The following TBC1D9B variants were observed in gnomAD, a reference collection of about 807,000 sequenced individuals.
TBC1D9B encodes TBC1 domain family, member 9B (with GRAM domain).
A neutral mutation model predicts 121.1 loss-of-function variants in TBC1D9B; 87 were observed. The observed-to-expected ratio is 0.72, with a 90% CI of 0.60 to 0.86. The LOEUF is 0.86. Ranked by LOEUF, TBC1D9B falls within the 40% of genes least tolerant of loss-of-function variation. The probability of loss-of-function intolerance (pLI) is 0.00; values close to 1 mark genes in which losing one functional copy is unlikely to be tolerated. For synonymous variants in TBC1D9B, 668 were observed against 670.1 expected (o/e 1.00, Z 0.05); for missense variants, 1,540 against 1,628.6 (o/e 0.95, Z 0.94).
At chr5:179,899,858 C>T (rs1216529990) in intron 2 of TBC1D9B, among the ~76,000 whole-genome samples, 4 of 152,124 alleles carry the variant, frequency 2.6e-5, no homozygotes, top group African/African-American at 9.7e-5. Context: ...TTCTCCTGGC[C>T]ACCTTCTTAC....
intron 18 of TBC1D9B, chr5:179,867,030 G>A: frequency 5.2e-6 from 1 of 191,336 alleles, no homozygotes; most frequent in Non-Finnish European, 1.1e-5. Context: ...CACTCAACAT[G>A]CGTGTTTTTC....
rs751435639 is a variant in TBC1D9B, at chr5:179,863,505, T to C, written c.3645A>G (p.Lys1215=). 3.1e-6 allele frequency: 5 copies of C among 1,614,058 alleles called. No individual in the cohort carries two copies. In the African/African-American group the frequency reaches 6.7e-5, roughly 22 times the overall value. The change falls in exon 21 of 21, where the codon AAA becomes AAG. Residue 1215 remains lysine (K), a synonymous_variant. Transcript: ENST00000355235. This position sits in a 1 kb window ranked among gnomAD's most constrained non-coding sequence, Gnocchi z 4.5. The stretch of plus-strand genomic sequence containing the variant: ...TGGCGGTGCTGAACTGTCTCTCCAC[T>C]TTCTTTTGGTCCTTGATCTTGAGTC... ...DIGLKIKDQK[K]VERQFSTASD... is the part of the protein sequence containing the mutation.
intron 20 of TBC1D9B, 36 bp from the exon 21 acceptor site, chr5:179,864,164 TAAAAG>T: frequency 6.4e-7 from 1 of 1,554,370 alleles, no homozygotes. Context: ...AGGGAGATGG[TAAAAG>T]ACCAGTCAGA....
rs993618403 is a variant in TBC1D9B at position 179,865,019 on chromosome 5, G to A, written c.3021+235C>T. Among the ~76,000 whole-genome samples, 29 of 152,182 alleles carry A rather than the reference G, an allele frequency of 1.9e-4. No homozygotes were observed. Among genetic ancestry groups the A allele is most frequent in the African/African-American group, 6.3e-4 (26 of 41,460 alleles). On this transcript the variant is annotated intron_variant, in intron 20 of 20. Transcript: ENST00000355235. The surrounding 1 kb of genome is among the most constrained non-coding windows in gnomAD (Gnocchi z 5.1). ...GTAGCCTACAAGCCTCTGGCTCCTGGTTCACAGACACTCACTCAATCTGGA... is the reference window on the plus strand; with the variant it reads ...GTAGCCTACAAGCCTCTGGCTCCTGATTCACAGACACTCACTCAATCTGGA...
intron 15 of TBC1D9B, chr5:179,870,738 T>A: frequency 1.8e-6 from 1 of 548,098 alleles, no homozygotes; most frequent in Non-Finnish European, 3.1e-6. Context: ...GGGGCAGAGC[T>A]GGTCTGCTGG....
At chr5:179,897,113 T>TA (rs1761043132) in intron 3 of TBC1D9B, among the ~76,000 whole-genome samples, 2 of 151,640 alleles carry the variant, frequency 1.3e-5, no homozygotes, top group Admixed American at 6.6e-5. Flanking sequence ...TTCACTGTGT[T>TA]AGCCAGGATG....
rs148031836 is a variant in TBC1D9B at position 179,904,075 on chromosome 5, T to C, written c.229+627A>G. ...AGGCCAATTTGCAAATATGGAATCT[T>C]TGAATGAGGCCGACTACGTCTACCT... On this transcript the variant is annotated intron_variant, in intron 2 of 20. Transcript: ENST00000355235. This position sits in a 1 kb window ranked among gnomAD's most constrained non-coding sequence, Gnocchi z 4.2. Among the ~76,000 whole-genome samples, 1 of 152,254 alleles carries C rather than the reference T, an allele frequency of 6.6e-6. No individual in the cohort carries two copies. The highest frequency in any genetic ancestry group is 2.4e-5 in the African/African-American group (1 of 41,542).
Position 179,878,163 on chromosome 5 carries a change from ACT to A in TBC1D9B, c.1782+144_1782+145del. The A allele has an allele frequency of 4.8e-6, 4 of 839,842 alleles. No individual in the cohort carries two copies. The South Asian group carries it at 7.2e-5, about 15-fold the overall frequency. The allele number at this position is 839,842 out of a possible 1,614,324, so 52.0% of individuals were successfully genotyped here. On this transcript the variant is annotated intron_variant, in intron 10 of 20. Coordinates refer to ENST00000355235, the MANE Select transcript of TBC1D9B (RefSeq NM_015043.4). ...CATGGGGATGCGATGAGCAATTAAT[ACT>A]GTTTTTAAATTACATCTTTTTCTGC...
Position 179,865,553 on chromosome 5 carries a change from T to A in TBC1D9B, c.2915-193A>T. 1.6e-6 allele frequency: 1 copy of A among 632,796 alleles called. No individual in the cohort carries two copies. The highest frequency in any genetic ancestry group is 2.8e-6 in the Non-Finnish European group (1 of 360,594). The allele number at this position is 632,796 out of a possible 1,614,324, so 39.2% of individuals were successfully genotyped here. A position where few individuals can be genotyped will look rare whatever the true frequency, so the allele number is the denominator to read the frequency against. On this transcript the variant is annotated intron_variant, in intron 19 of 20. Transcript: ENST00000355235. The surrounding 1 kb of genome is among the most constrained non-coding windows in gnomAD (Gnocchi z 5.1). ...ACAGGTTTTCCCTAAATTGCTGCAG[T>A]GGTTGGACCTAAGCTGATGACAATG...
rs1759995622 is a variant in TBC1D9B, at chr5:179,865,992, C to T, written c.2864-104G>A. On this transcript the variant is annotated intron_variant, in intron 18 of 20. Coordinates refer to ENST00000355235, the MANE Select transcript of TBC1D9B (RefSeq NM_015043.4). The surrounding 1 kb of genome is among the most constrained non-coding windows in gnomAD (Gnocchi z 5.1). ...TAGTCTGTGTTTCTGTACAGCCAGCCCCAGGCCAGGCCCTGGGGAGCAGGT... is the reference window on the plus strand; with the variant it reads ...TAGTCTGTGTTTCTGTACAGCCAGCTCCAGGCCAGGCCCTGGGGAGCAGGT... 1 of 1,437,580 alleles carries T rather than the reference C, an allele frequency of 7.0e-7. No homozygotes were observed. The highest frequency in any genetic ancestry group is 9.7e-7 in the Non-Finnish European group (1 of 1,028,292). 89.1% of individuals were successfully genotyped at this position (1,437,580 alleles called of 1,614,324 possible).
Position 179,867,952 on chromosome 5 carries a change from C to T in TBC1D9B, c.2792-103G>A, listed in dbSNP as rs529046449. The T allele has an allele frequency of 1.2e-5, 14 of 1,139,202 alleles. No individual in the cohort carries two copies. In the African/African-American group the frequency reaches 1.6e-4, roughly 13 times the overall value. The allele number at this position is 1,139,202 out of a possible 1,614,324, so 70.6% of individuals were successfully genotyped here. On this transcript the variant is annotated intron_variant, in intron 17 of 20. Transcript: ENST00000355235. Reference sequence around the variant, plus strand: ...GGCAGAGCCTTGCTTTCCCTGCCCACGAGCCTGGCCAGTCCCAGCACCTGC... The same window carrying T: ...GGCAGAGCCTTGCTTTCCCTGCCCATGAGCCTGGCCAGTCCCAGCACCTGC...
intron 12 of TBC1D9B, among the ~76,000 whole-genome samples, chr5:179,873,980 G>T (rs995696188): frequency 1.1e-4 from 17 of 152,210 alleles, no homozygotes; most frequent in African/African-American, 4.1e-4. Flanking sequence ...AAGCTACTTA[G>T]GCCCACAGTA....
chr5:179,896,331 G>T (rs1291993457), intron 3 of TBC1D9B, among the ~76,000 whole-genome samples: 4 of 152,192 alleles, frequency 2.6e-5, no homozygotes, highest in Non-Finnish European at 5.9e-5. Context: ...AGAAGGAAAA[G>T]GGTTTTTCTT....
chr5:179,869,817 C>G lies in TBC1D9B; in HGVS notation c.2743G>C (p.Asp915His). 1 of 1,562,732 alleles carries G rather than the reference C, an allele frequency of 6.4e-7. No individual in the cohort carries two copies. Among genetic ancestry groups the G allele is most frequent in the Non-Finnish European group, 8.7e-7 (1 of 1,152,364 alleles). Residue 915 changes from aspartate (D) to histidine (H), a missense_variant, in exon 17 of 21, where the codon GAC becomes CAC. Coordinates refer to ENST00000355235, the MANE Select transcript of TBC1D9B (RefSeq NM_015043.4). ...AGCACCTTGAGCTTCTCTGTCAGGT[C>G]CCCGTGGTACATCCCGCCTGTGGAG... Reference protein sequence around the residue: ...VTGMSGMYHGDLTEKLKVLYK... With the variant: ...VTGMSGMYHGHLTEKLKVLYK...
chr5:179,907,805 T>C lies in TBC1D9B; in HGVS notation c.17A>G (p.Glu6Gly). 1.7e-6 allele frequency: 2 copies of C among 1,205,038 alleles called. No individual in the cohort carries two copies. The highest frequency in any genetic ancestry group is 2.1e-6 in the Non-Finnish European group (2 of 944,090). The allele number at this position is 1,205,038 out of a possible 1,614,324, so 74.6% of individuals were successfully genotyped here. A position where few individuals can be genotyped will look rare whatever the true frequency, so the allele number is the denominator to read the frequency against. The change falls in exon 1 of 21, where the codon GAG becomes GGG. Residue 6 changes from glutamate (E) to glycine (G), a missense_variant. By Grantham distance (98) the Glu-to-Gly change is moderately conservative (BLOSUM62 -2). Coordinates refer to ENST00000355235, the MANE Select transcript of TBC1D9B (RefSeq NM_015043.4). This position sits in a 1 kb window ranked among gnomAD's most constrained non-coding sequence, Gnocchi z 5.3. MWLSP[E>G]EVLVANALWV... ...CAGCGCATTGGCCACCAGCACCTCC[T>C]CCGGGCTCAGCCACATCGCGGAGCC...
chr5:179,899,080 C>T, intron 3 of TBC1D9B, 109 bp downstream of exon 3: 1 of 881,306 alleles, frequency 1.1e-6, no homozygotes. Context: ...CAGTCTCCAC[C>T]TTTGTAAAAT....
Position 179,870,396 on chromosome 5 carries a change from T to G in TBC1D9B, c.2584A>C (p.Ser862Arg), listed in dbSNP as rs776414875. The change falls in exon 16 of 21, where the codon AGC (serine) becomes CGC (arginine). Residue 862 changes from serine to arginine, a missense_variant. Coordinates refer to ENST00000355235, the MANE Select transcript of TBC1D9B (RefSeq NM_015043.4). ...CTGGCAAAGAGTTCCCGGAACTGGC[T>G]GGCATCAATCCGGTACTGCTCCAGG... is the stretch of plus-strand genomic sequence containing the variant. ...PYLEQYRIDA[S>R]QFRELFASLT... The G allele has an allele frequency of 1.9e-6, 3 of 1,613,762 alleles. No individual in the cohort carries two copies. The highest frequency in any genetic ancestry group is 1.7e-6 in the Non-Finnish European group (2 of 1,180,028).
At chr5:179,903,293 AGGCAAGTGC>A (rs1263700245) in intron 2 of TBC1D9B, among the ~76,000 whole-genome samples, 3,209 of 152,324 alleles carry the variant, frequency 0.021, 132 homozygotes, top group African/African-American at 0.072. Context: ...CGGGTGGTTC[AGGCAAGTGC>A]CTGGCACACA....
chr5:179,879,857 T>C, intron 7 of TBC1D9B, 68 bp from the exon 8 acceptor site: 1 of 1,501,862 alleles, frequency 6.7e-7, no homozygotes, highest in Non-Finnish European at 8.9e-7. Context: ...GATGCGCCCA[T>C]CCATCCAGAG....
Sources: allele counts gnomAD v4.1 joint callset (sites outside exome capture counted in the v4.1 genomes callset), GRCh38; gene constraint gnomAD v4.1.1; non-coding constraint Gnocchi (gnomAD v3.1); transcripts MANE v1.5; gene names NCBI Gene and HGNC (gene_info 2026-07-23, HGNC 2026-07-21).